The following COL21A1 variants were observed in gnomAD, a reference collection of about 807,000 sequenced individuals.
COL21A1 encodes collagen alpha-1(XXI) chain.
A neutral mutation model predicts 137.9 loss-of-function variants in COL21A1; 149 were observed. The observed-to-expected ratio is 1.08, with a 90% CI of 0.95 to 1.24. The LOEUF (loss-of-function observed/expected upper bound fraction) is 1.24. Ranked by LOEUF, COL21A1 falls within the 50% of genes most tolerant of loss-of-function variation. The probability of loss-of-function intolerance (pLI) is 0.00; values close to 1 mark genes in which losing one functional copy is unlikely to be tolerated. For missense variants in COL21A1, 1,167 were observed against 1,158.4 expected (o/e 1.01, Z -0.11); for synonymous variants, 456 against 391.5 (o/e 1.16, Z -1.95).
intron 1 of COL21A1, among the ~76,000 whole-genome samples, chr6:56,230,874 A>G (rs1925148): frequency 0.56 from 85,678 of 151,730 alleles, 24,455 homozygotes; most frequent in East Asian, 0.77. Context: ...CTTAGTTTCT[A>G]TCACCCATGT....
intron 1 of COL21A1, among the ~76,000 whole-genome samples, chr6:56,283,305 T>C (rs1218280417): frequency 1.3e-5 from 2 of 151,990 alleles, no homozygotes; most frequent in African/African-American, 2.4e-5. Context: ...TAGAATAATA[T>C]ATAGTCATTA....
chr6:56,252,447 A>T (rs3846927), upstream of COL21A1, among the ~76,000 whole-genome samples: 1 of 152,070 alleles, frequency 6.6e-6, no homozygotes, highest in Admixed American at 6.6e-5. Context: ...GTTTATGTGT[A>T]ATTTATTTTT....
chr6:56,325,502 ATC>A lies in COL21A1; in HGVS notation c.-39+68467_-39+68468del, dbSNP rs1385389451. Among the ~76,000 whole-genome samples the A allele has an allele frequency of 3.1e-3, 10 of 3,180 alleles. 1 individual carries two copies. Among genetic ancestry groups the A allele is most frequent in the Non-Finnish European group, 0.015 (9 of 616 alleles). 2.1% of individuals were successfully genotyped at this position (3,180 alleles called of 152,430 possible). On this transcript the variant is annotated intron_variant, in intron 1 of 28. Transcript: ENST00000370819. ...TTATATAATATATATTATATATTAT[ATC>A]TGTAATATATTATATATTATATATT...
intron 16 of COL21A1, among the ~76,000 whole-genome samples, chr6:56,117,843 A>G (rs948992870): frequency 6.6e-6 from 1 of 152,036 alleles, no homozygotes; most frequent in Non-Finnish European, 1.5e-5. Context: ...CAGTGAGTCA[A>G]TGAAGAAATT....
chr6:56,090,034 G>A (rs1249050751), intron 17 of COL21A1, among the ~76,000 whole-genome samples: 1 of 152,182 alleles, frequency 6.6e-6, no homozygotes, highest in Non-Finnish European at 1.5e-5. Context: ...GATGTCAAGA[G>A]ATCAAGACCA....
intron 1 of COL21A1, among the ~76,000 whole-genome samples, chr6:56,196,668 AC>A (rs1779042736): frequency 6.6e-6 from 1 of 152,138 alleles, no homozygotes. Context: ...GAGGTGAAAT[AC>A]CTGTACATTG....
chr6:56,261,063 A>G (rs992767507), intron 1 of COL21A1, among the ~76,000 whole-genome samples: 2 of 73,220 alleles, frequency 2.7e-5, no homozygotes, highest in Non-Finnish European at 5.7e-5. Flanking sequence ...TTCACTTTTT[A>G]TAGAAAATAA....
rs762846299 is a variant in COL21A1, at chr6:56,101,452, T to C, written c.1812+20A>G. 1 of 1,568,784 alleles carries C rather than the reference T, an allele frequency of 6.4e-7. No individual in the cohort carries two copies. Among genetic ancestry groups the C allele is most frequent in the East Asian group, 2.3e-5 (1 of 44,018 alleles). On this transcript the variant is annotated intron_variant, in intron 17 of 29. Coordinates refer to ENST00000244728, the MANE Select transcript of COL21A1 (RefSeq NM_030820.4). The stretch of plus-strand genomic sequence containing the variant: ...GGAAAAGAACTTCATCTTTTAGAAC[T>C]GAAATGAGAAGGTACTCACAGGCTC...
intron 16 of COL21A1, among the ~76,000 whole-genome samples, chr6:56,119,164 C>A (rs1582405369): frequency 1.3e-5 from 2 of 152,114 alleles, no homozygotes; most frequent in East Asian, 1.9e-4. Flanking sequence ...ATGATATAAT[C>A]TTTTATTTAG....
At chr6:56,060,509 A>T in intron 27 of COL21A1, 1 of 481,580 alleles carries the variant, frequency 2.1e-6, no homozygotes, top group Non-Finnish European at 3.6e-6. Context: ...AATATGCTAC[A>T]AAAGAAAATT....
intron 1 of COL21A1, among the ~76,000 whole-genome samples, chr6:56,294,388 A>T (rs1764118378): frequency 6.6e-6 from 1 of 152,130 alleles, no homozygotes; most frequent in Non-Finnish European, 1.5e-5. Context: ...TACAATGTAT[A>T]TTCAAGTGAA....
chr6:56,352,456 C>T (rs191348258), intron 1 of COL21A1, among the ~76,000 whole-genome samples: 250 of 151,870 alleles, frequency 1.6e-3, no homozygotes, highest in Non-Finnish European at 2.6e-3. Flanking sequence ...AAATGGAGAT[C>T]GGCTGGAACA....
intron 17 of COL21A1, among the ~76,000 whole-genome samples, chr6:56,081,881 C>T (rs1408876218): frequency 6.6e-6 from 1 of 151,754 alleles, no homozygotes. Flanking sequence ...TAAATATAGG[C>T]TACTCATGTT....
At chr6:56,124,897 A>G (rs901970453) in intron 14 of COL21A1, among the ~76,000 whole-genome samples, 12 of 151,060 alleles carry the variant, frequency 7.9e-5, no homozygotes, top group African/African-American at 2.7e-4. Context: ...TGCCCACCTT[A>G]GCCTCCCAAA....
intron 1 of COL21A1, among the ~76,000 whole-genome samples, chr6:56,345,673 T>C (rs1765581257): frequency 6.6e-6 from 1 of 152,202 alleles, no homozygotes; most frequent in Non-Finnish European, 1.5e-5. Context: ...CAAAATGCCA[T>C]TAGGATGTGT....
intron 19 of COL21A1, among the ~76,000 whole-genome samples, chr6:56,075,163 C>A (rs1453154736): frequency 4.0e-5 from 6 of 151,314 alleles, no homozygotes; most frequent in African/African-American, 1.2e-4. Flanking sequence ...ATAAAAAAAT[C>A]ACTGAGATTT....
intron 17 of COL21A1, among the ~76,000 whole-genome samples, chr6:56,081,233 G>C (rs1480448749): frequency 2.6e-5 from 4 of 151,086 alleles, no homozygotes; most frequent in African/African-American, 4.9e-5. Flanking sequence ...CCATTGTAAG[G>C]CTTTTTCTTT....
chr6:56,144,907 C>T (rs1176355267), intron 10 of COL21A1, among the ~76,000 whole-genome samples: 1 of 152,196 alleles, frequency 6.6e-6, no homozygotes, highest in Non-Finnish European at 1.5e-5. Context: ...GACTTAGTTT[C>T]TTACCATAAA....
At chr6:56,335,605 C>T (rs1426149686) in intron 1 of COL21A1, among the ~76,000 whole-genome samples, 2 of 152,206 alleles carry the variant, frequency 1.3e-5, no homozygotes, top group East Asian at 1.9e-4. Flanking sequence ...TGTGAACAGT[C>T]TCTAACTGGG....
Sources: gnomAD v4.1 joint callset for allele counts (sites outside exome capture counted in the v4.1 genomes callset) on GRCh38, gnomAD v4.1.1 for gene constraint, MANE v1.5 for transcripts, NCBI Gene and HGNC (gene_info 2026-07-23, HGNC 2026-07-21) for gene names.